The following PDE4A variants were observed in gnomAD, a reference collection of about 807,000 sequenced individuals.
The protein encoded by PDE4A is 3',5'-cyclic-AMP phosphodiesterase 4A.
A neutral mutation model predicts 73.9 loss-of-function variants in PDE4A; 21 were observed. That is an observed-to-expected ratio of 0.28 (90% CI 0.20 to 0.41). The LOEUF is 0.41. Among genes scored for constraint, PDE4A ranks in the 10% least tolerant of loss-of-function variants. PDE4A has a pLI of 1.00. For synonymous variants in PDE4A, 463 were observed against 505.4 expected, an observed-to-expected ratio of 0.92 and a Z score of 1.13; for missense variants, 958 against 1,211.4, an observed-to-expected ratio of 0.79 and a Z score of 3.10.
At chr19:10,418,168 G>C (rs2042606399), upstream of PDE4A, among the ~76,000 whole-genome samples, 1 of 152,194 alleles carries the variant, frequency 6.6e-6, no homozygotes, top group African/African-American at 2.4e-5. Flanking sequence ...TTGATCAGGC[G>C]GCTGTGCACC....
At position 10,463,969 on chromosome 19, in the gene PDE4A, G is replaced by A. The variant is rs754288662; in HGVS notation, c.1920G>A (p.Lys640=). Residue 640 remains lysine (K), a synonymous_variant, in exon 14 of 15, where the codon AAG becomes AAA. Transcript: ENST00000380702. ...MCDKHTASVE[K]SQVGFIDYIV... ...ACAAGCACACTGCCTCCGTGGAGAA[G>A]TCTCAGGTACAGGCTCGGGGCATTG... The A allele has an allele frequency of 6.2e-7, 1 of 1,614,154 alleles. No homozygotes were observed. Among genetic ancestry groups the A allele is most frequent in the South Asian group, 1.1e-5 (1 of 91,086 alleles).
chr19:10,448,724 T>A, intron 2 of PDE4A, 193 bp from the exon 3 acceptor site: 1 of 716,936 alleles, frequency 1.4e-6, no homozygotes. Context: ...TGAGCCACAC[T>A]CCTTGACTGC....
intron 7 of PDE4A, among the ~76,000 whole-genome samples, chr19:10,457,339 AT>A (rs1459641583): frequency 6.7e-6 from 1 of 149,964 alleles, no homozygotes; most frequent in Admixed American, 6.7e-5. Context: ...CCAGGTCACA[AT>A]GGGTGACCTT....
chr19:10,430,404 C>T (rs942327985), intron 1 of PDE4A, among the ~76,000 whole-genome samples: 1 of 151,852 alleles, frequency 6.6e-6, no homozygotes, highest in Non-Finnish European at 1.5e-5. Context: ...TGCTGAGAAG[C>T]CCCGGGATTT....
chr19:10,428,646 G>A (rs1568365634), intron 1 of PDE4A: 1 of 323,230 alleles, frequency 3.1e-6, no homozygotes. Context: ...CCATCCATGG[G>A]GTGAGTGGTA....
intron 1 of PDE4A, chr19:10,430,927 C>G: frequency 6.6e-7 from 1 of 1,512,026 alleles, no homozygotes; most frequent in South Asian, 1.2e-5. Context: ...GAGGACGAGG[C>G]GTTCCTGCCC....
rs1280166867 is a variant in PDE4A at position 10,467,600 on chromosome 19, G to T, written c.2640G>T (p.Gly880=). Residue 880 remains glycine, a synonymous_variant, in exon 15 of 15, where the codon GGG becomes GGT. Transcript: ENST00000380702. ...TSALPAPGGG[G]SGGDPT Reference sequence around the variant, plus strand: ...CACTCCCAGCTCCTGGTGGCGGGGGGTCAGGTGGAGACCCTACCTGATCCC... The same window carrying T: ...CACTCCCAGCTCCTGGTGGCGGGGGTTCAGGTGGAGACCCTACCTGATCCC... 6.3e-7 allele frequency: 1 copy of T among 1,579,816 alleles called. No homozygotes were observed. Among genetic ancestry groups the T allele is most frequent in the Middle Eastern group, 2.0e-4 (1 of 4,974 alleles).
chr19:10,428,969 G>A (rs2042752543), intron 1 of PDE4A: 2 of 718,628 alleles, frequency 2.8e-6, no homozygotes, highest in Non-Finnish European at 3.4e-6. Context: ...GCCAGGTATT[G>A]TGGCACATGC....
chr19:10,438,159 C>T (rs2042890402), intron 1 of PDE4A, among the ~76,000 whole-genome samples: 1 of 150,064 alleles, frequency 6.7e-6, no homozygotes, highest in African/African-American at 2.5e-5. Flanking sequence ...TGTCGCCAGG[C>T]TGGAGTGCAG....
At chr19:10,419,706 TCCTCCG>T (rs2042625011), upstream of PDE4A, 1 of 152,082 alleles carries the variant, frequency 6.6e-6, no homozygotes, top group Admixed American at 6.6e-5. Context: ...TACATAGACG[TCCTCCG>T]ACACTACAGT....
upstream of PDE4A, chr19:10,419,329 GC>G (rs2145436187): frequency 6.5e-6 from 1 of 152,912 alleles, no homozygotes; most frequent in Admixed American, 6.6e-5. Flanking sequence ...GATCCCGCTC[GC>G]TCTCTGCTTG....
Position 10,420,547 on chromosome 19 carries a change from C to G in PDE4A, c.-218C>G. The stretch of plus-strand genomic sequence containing the variant: ...GAGCGCGGAGCGCGGAGAGCGCCGC[C>G]GGGCACTGAGCAGAGCTCCAGGCGC... On this transcript the variant is annotated 5_prime_UTR_variant, in exon 1 of 15. Transcript: ENST00000380702. This position sits in a 1 kb window ranked among gnomAD's most constrained non-coding sequence, Gnocchi z 6.0. 8.5e-7 allele frequency: 1 copy of G among 1,172,470 alleles called. No homozygotes were observed. Among genetic ancestry groups the G allele is most frequent in the South Asian group, 4.3e-5 (1 of 23,434 alleles). The allele number at this position is 1,172,470 out of a possible 1,614,324, so 72.6% of individuals were successfully genotyped here.
In PDE4A at chr19:10,453,146, G is replaced by A. The variant is rs1291015016; in HGVS notation, c.784-1683G>A. 18 of 1,429,212 alleles carry A rather than the reference G, an allele frequency of 1.3e-5. No homozygotes were observed. Among genetic ancestry groups the A allele is most frequent in the East Asian group, 1.1e-4 (4 of 36,238 alleles). The allele number at this position is 1,429,212 out of a possible 1,614,324, so 88.5% of individuals were successfully genotyped here. On this transcript the variant is annotated intron_variant, in intron 6 of 14. Coordinates refer to ENST00000380702, the MANE Select transcript of PDE4A (RefSeq NM_001111307.2). The surrounding 1 kb of genome is among the most constrained non-coding windows in gnomAD (Gnocchi z 4.6). ...CTGCTGGGCCGGCCCAGGCCCCTCCGCGGCTCCCCCTTCCACTACCCACCT... is the reference window on the plus strand; with the variant it reads ...CTGCTGGGCCGGCCCAGGCCCCTCCACGGCTCCCCCTTCCACTACCCACCT...
intron 1 of PDE4A, among the ~76,000 whole-genome samples, chr19:10,444,967 C>A (rs890327596): frequency 2.0e-5 from 3 of 152,126 alleles, no homozygotes; most frequent in African/African-American, 4.8e-5. Flanking sequence ...GCCACCTCAC[C>A]CCGGCCTGTG....
At chr19:10,464,862 G>A (rs940596431) in intron 14 of PDE4A, among the ~76,000 whole-genome samples, 1 of 151,412 alleles carries the variant, frequency 6.6e-6, no homozygotes, top group East Asian at 2.0e-4. Context: ...GACTATAGGC[G>A]TGCACCACCA....
At position 10,432,469 on chromosome 19, in the gene PDE4A, G is replaced by C. The variant is rs1266966657; in HGVS notation, c.320+11385G>C. 3.3e-6 allele frequency: 5 copies of C among 1,493,450 alleles called. No individual in the cohort carries two copies. In the African/African-American group the frequency reaches 5.9e-5, roughly 17 times the overall value. 92.5% of individuals were successfully genotyped at this position (1,493,450 alleles called of 1,614,324 possible). A position where few individuals can be genotyped will look rare whatever the true frequency, so the allele number is the denominator to read the frequency against. ...GGTGCAGCGCCCCGGGCCCGGCCCC[G>C]GCCCCCTGCCCTGGCACTGCCCCCC... On this transcript the variant is annotated intron_variant, in intron 1 of 14. Coordinates refer to ENST00000380702, the MANE Select transcript of PDE4A (RefSeq NM_001111307.2).
rs2043120228 is a variant in PDE4A, at chr19:10,453,190, A to G, written c.784-1639A>G. ...CCCACCTGCCCGGCACCCCCTCCCC[A>G]GTGGTTGTTAACCCCGGGACTCCCC... On this transcript the variant is annotated intron_variant, in intron 6 of 14. Coordinates refer to ENST00000380702, the MANE Select transcript of PDE4A (RefSeq NM_001111307.2). The surrounding 1 kb of genome is among the most constrained non-coding windows in gnomAD (Gnocchi z 4.6). The G allele has an allele frequency of 1.3e-6, 2 of 1,511,876 alleles. No individual in the cohort carries two copies. Among genetic ancestry groups the G allele is most frequent in the Admixed American group, 2.1e-5 (1 of 48,122 alleles). The allele number at this position is 1,511,876 out of a possible 1,614,324, so 93.7% of individuals were successfully genotyped here.
chr19:10,463,421 A>T (rs1288590902), intron 13 of PDE4A, among the ~76,000 whole-genome samples: 13 of 90,976 alleles, frequency 1.4e-4, no homozygotes, highest in Admixed American at 5.9e-4. Context: ...TTTTTTTCTG[A>T]GATGGAGTCT....
In PDE4A at chr19:10,467,584, C is replaced by T. The variant is rs761435041; in HGVS notation, c.2624C>T (p.Ala875Val). 28 of 1,591,554 alleles carry T rather than the reference C, an allele frequency of 1.8e-5. 1 individual carries two copies. In the South Asian group the frequency reaches 2.9e-4, roughly 17 times the overall value. The part of the protein sequence containing the change: ...TFGEDTSALP[A>V]PGGGGSGGDP... The stretch of plus-strand genomic sequence containing the variant: ...GGGGAGGACACATCCGCACTCCCAG[C>T]TCCTGGTGGCGGGGGGTCAGGTGGA... The change falls in exon 15 of 15, where the codon GCT (alanine) becomes GTT (valine). Residue 875 changes from alanine (A) to valine (V), a missense_variant. Physicochemically the swap from Ala to Val is moderately conservative, Grantham distance 64. Transcript: ENST00000380702.
Sources: allele counts gnomAD v4.1 joint callset (sites outside exome capture counted in the v4.1 genomes callset), GRCh38; gene constraint gnomAD v4.1.1; non-coding constraint Gnocchi (gnomAD v3.1); transcripts MANE v1.5; gene names NCBI Gene and HGNC (gene_info 2026-07-23, HGNC 2026-07-21).